The following VAV3 variants were observed in gnomAD, a reference collection of about 807,000 sequenced individuals.
The protein encoded by VAV3 is vav guanine nucleotide exchange factor 3.
In VAV3, 94 loss-of-function variants were observed where a neutral mutation model predicts 131.2. The ratio of observed to expected loss-of-function variants is 0.72; its 90% CI spans 0.61 to 0.85. The LOEUF (loss-of-function observed/expected upper bound fraction) is 0.85. Among genes scored for constraint, VAV3 ranks in the 40% least tolerant of loss-of-function variants. The pLI is 0.00. For synonymous variants in VAV3, 349 were observed against 342.0 expected (o/e 1.02, Z -0.22); for missense variants, 939 against 1,002.7 (o/e 0.94, Z 0.86).
chr1:107,644,431 ACT>A (rs1234321112), intron 19 of VAV3, among the ~76,000 whole-genome samples: 1 of 151,966 alleles, frequency 6.6e-6, no homozygotes, highest in Non-Finnish European at 1.5e-5. Flanking sequence ...TGTTTGGTAG[ACT>A]CCCTGGGTAA....
rs1663573383 is a variant in VAV3 at position 107,749,515 on chromosome 1, G to A, written c.1339C>T (p.Leu447Phe). 6.2e-7 allele frequency: 1 copy of A among 1,611,682 alleles called. No individual in the cohort carries two copies. The highest frequency in any genetic ancestry group is 1.3e-5 in the African/African-American group (1 of 74,814). Residue 447 changes from leucine (L) to phenylalanine (F), a missense_variant, in exon 14 of 27, where the codon CTT (leucine) becomes TTT (phenylalanine). By Grantham distance (22) the Leu-to-Phe change is conservative. Coordinates refer to ENST00000370056, the MANE Select transcript of VAV3 (RefSeq NM_006113.5). ...DNYEMKEIID[L>F]QQYKIANNPT... ...TTATTGGCTATCTTGTACTGCTGAA[G>A]ATCTATTATTTCCTTCATTTCATAG...
At chr1:107,609,992 T>C in intron 21 of VAV3, 27 bp from the exon 22 acceptor site, 1 of 1,610,778 alleles carries the variant, frequency 6.2e-7, no homozygotes, top group East Asian at 2.2e-5. Context: ...CAAAAACAGA[T>C]TAAGTTTACA....
chr1:107,953,335 T>C (rs1674646957), intron 1 of VAV3, among the ~76,000 whole-genome samples: 3 of 152,180 alleles, frequency 2.0e-5, no homozygotes, highest in African/African-American at 7.2e-5. Context: ...GTACCCACCA[T>C]GTACCAGGCA....
intron 20 of VAV3, among the ~76,000 whole-genome samples, chr1:107,640,873 G>A (rs1655287763): frequency 6.6e-6 from 1 of 152,116 alleles, no homozygotes; most frequent in Non-Finnish European, 1.5e-5. Context: ...AGGAGACTGA[G>A]CATATTTATA....
chr1:107,617,639 A>G lies in VAV3; in HGVS notation c.1915-7T>C, dbSNP rs201833901. ...CAGATGCTAAATTTCTGCCCTAAGG[A>G]AAAAAAAAAAATGCCAGTGTTGAGA... On this transcript the variant is annotated splice_region_variant and splice_polypyrimidine_tract_variant and intron_variant, in intron 20 of 26. Coordinates refer to ENST00000370056, the MANE Select transcript of VAV3 (RefSeq NM_006113.5). 488 of 294,746 alleles carry G rather than the reference A, an allele frequency of 1.7e-3. 3 individuals are homozygous for G. Among genetic ancestry groups the G allele is most frequent in the South Asian group, 0.015 (305 of 19,726 alleles). 18.3% of individuals were successfully genotyped at this position (294,746 alleles called of 1,614,324 possible).
At chr1:107,787,304 T>G (rs11185178) in intron 2 of VAV3, among the ~76,000 whole-genome samples, 115,908 of 152,104 alleles carry the variant, frequency 0.76, 44,436 homozygotes, top group Non-Finnish European at 0.81. Context: ...TCCAAAAGCT[T>G]CAGGGAGCAA....
intron 19 of VAV3, among the ~76,000 whole-genome samples, chr1:107,667,470 T>A (rs1431119221): frequency 2.0e-5 from 3 of 152,162 alleles, no homozygotes; most frequent in Non-Finnish European, 4.4e-5. Flanking sequence ...AATCCAACAA[T>A]GTCTCCATAT....
intron 1 of VAV3, among the ~76,000 whole-genome samples, chr1:107,954,965 C>T (rs928438968): frequency 1.3e-5 from 2 of 152,172 alleles, no homozygotes; most frequent in Non-Finnish European, 2.9e-5. Context: ...ACAGTGCCTG[C>T]CTCACGGTGT....
At chr1:107,786,421 G>A (rs1185893844) in intron 2 of VAV3, among the ~76,000 whole-genome samples, 7 of 152,134 alleles carry the variant, frequency 4.6e-5, no homozygotes, top group African/African-American at 2.4e-5. Context: ...AGGTAAGGAC[G>A]GGAGTCAAGA....
chr1:107,830,165 A>G (rs573454752), intron 2 of VAV3, among the ~76,000 whole-genome samples: 1 of 152,272 alleles, frequency 6.6e-6, no homozygotes, highest in African/African-American at 2.4e-5. Flanking sequence ...TCTCATGCAC[A>G]TAAGATCATG....
chr1:107,876,888 C>A (rs998838513), intron 1 of VAV3, among the ~76,000 whole-genome samples: 5 of 152,048 alleles, frequency 3.3e-5, no homozygotes. Context: ...ATTATTGTAT[C>A]TTTGCTTTTT....
chr1:107,815,583 T>C (rs955523752), intron 2 of VAV3, among the ~76,000 whole-genome samples: 2 of 152,262 alleles, frequency 1.3e-5, no homozygotes, highest in African/African-American at 4.8e-5. Context: ...TGTCTGTTTC[T>C]GTGGCTTACA....
chr1:107,827,269 T>G (rs1668057730), intron 2 of VAV3, among the ~76,000 whole-genome samples: 1 of 152,142 alleles, frequency 6.6e-6, no homozygotes, highest in African/African-American at 2.4e-5. Context: ...ATTTGACACT[T>G]AGTTCTTCCC....
rs1650748735 is a variant in VAV3, at chr1:107,589,237, G to A, written c.2350+6975C>T. Among the ~76,000 whole-genome samples the A allele has an allele frequency of 2.6e-5, 4 of 152,294 alleles. 1 individual carries two copies. The highest frequency in any genetic ancestry group is 2.6e-4 in the Admixed American group (4 of 15,298). The stretch of plus-strand genomic sequence containing the variant: ...GCCCACCCAGGACCTGTGAACCTGT[G>A]AATGTGACTTTATTTGAAACAGGGG... On this transcript the variant is annotated intron_variant, in intron 25 of 26. Transcript: ENST00000370056.
In VAV3 at chr1:107,572,154, C is replaced by A. The variant is rs934732587; in HGVS notation, c.*1177G>T. 6.6e-6 allele frequency: 1 copy of A among 152,126 alleles called. No individual in the cohort carries two copies. Among genetic ancestry groups the A allele is most frequent in the African/African-American group, 2.4e-5 (1 of 41,404 alleles). The allele number at this position is 152,126 out of a possible 1,614,324, so 9.4% of individuals were successfully genotyped here. On this transcript the variant is annotated 3_prime_UTR_variant, in exon 27 of 27. Coordinates refer to ENST00000370056, the MANE Select transcript of VAV3 (RefSeq NM_006113.5). ...CTCACAAAAAAGAGTGATGGCTGGG[C>A]AAAACAAATGTACTGCAAGACCCAT...
At chr1:107,796,714 G>A (rs1385342236) in intron 2 of VAV3, among the ~76,000 whole-genome samples, 4 of 151,274 alleles carry the variant, frequency 2.6e-5, no homozygotes, top group African/African-American at 9.7e-5. Context: ...ATAAATTCCT[G>A]GGAATCATGA....
At chr1:107,699,616 C>T (rs1659969394) in intron 17 of VAV3, among the ~76,000 whole-genome samples, 1 of 152,246 alleles carries the variant, frequency 6.6e-6, no homozygotes, top group Non-Finnish European at 1.5e-5. Flanking sequence ...CTGTACTGCC[C>T]TAGCAGAGGT....
Position 107,914,192 on chromosome 1 carries a change from C to T in VAV3, c.205-39175G>A, listed in dbSNP as rs905069811. On this transcript the variant is annotated intron_variant, in intron 1 of 26. Coordinates refer to ENST00000370056, the MANE Select transcript of VAV3 (RefSeq NM_006113.5). Reference sequence around the variant, plus strand: ...GATGAATGTAAATGGCTAATGAGTACAGAAATCCCAGCAATAGAGGGGACA... The same window carrying T: ...GATGAATGTAAATGGCTAATGAGTATAGAAATCCCAGCAATAGAGGGGACA... Among the ~76,000 whole-genome samples, 63 of 152,162 alleles carry T rather than the reference C, an allele frequency of 4.1e-4. 2 individuals carry two copies. Among genetic ancestry groups the T allele is most frequent in the Admixed American group, 3.5e-3 (54 of 15,278 alleles).
intron 21 of VAV3, 30 bp from the exon 22 acceptor site, chr1:107,609,995 A>C: frequency 6.2e-7 from 1 of 1,607,306 alleles, no homozygotes; most frequent in Non-Finnish European, 8.5e-7. Flanking sequence ...AAACAGATTA[A>C]GTTTACATAA....
Sources: gnomAD v4.1 joint callset for allele counts (sites outside exome capture counted in the v4.1 genomes callset) on GRCh38, gnomAD v4.1.1 for gene constraint, MANE v1.5 for transcripts, NCBI Gene and HGNC (gene_info 2026-07-23, HGNC 2026-07-21) for gene names.